Variants in TRUB1 observed in about 807,000 individuals in gnomAD.
TRUB1 encodes pseudouridylate synthase TRUB1.
Under a neutral mutation model 33.9 loss-of-function variants are expected in TRUB1, and 23 were observed. The observed-to-expected ratio is 0.68, with a 90% confidence interval of 0.49 to 0.96. The LOEUF is 0.96. Ranked by LOEUF, TRUB1 falls within the 40% of genes least tolerant of loss-of-function variation. The pLI is 0.00. For missense variants in TRUB1, 378 were observed against 422.2 expected (o/e 0.90, Z 0.92); for synonymous variants, 163 against 165.4 (o/e 0.99, Z 0.11).
In TRUB1 at chr10:114,961,332, C is replaced by T. The variant is rs992175998; in HGVS notation, c.523+1525C>T. Reference sequence around the variant, plus strand: ...TCCCATGATTAGGAAGTAAAATTAGCAAGACTTGATTTTTAGTTGATTGGA... The same window carrying T: ...TCCCATGATTAGGAAGTAAAATTAGTAAGACTTGATTTTTAGTTGATTGGA... On this transcript the variant is annotated intron_variant, in intron 4 of 7. Coordinates refer to ENST00000298746, the MANE Select transcript of TRUB1 (RefSeq NM_139169.5). 4.6e-5 allele frequency among the ~76,000 whole-genome samples: 7 copies of T among 152,102 alleles called. No homozygotes were observed. The East Asian group carries it at 9.7e-4, about 21-fold the overall frequency.
At chr10:114,957,787 A>G (rs1019343099) in intron 3 of TRUB1, among the ~76,000 whole-genome samples, 1 of 152,196 alleles carries the variant, frequency 6.6e-6, no homozygotes, top group Non-Finnish European at 1.5e-5. Context: ...AATACTGCAG[A>G]TACATTCAAG....
chr10:114,945,010 G>A (rs931051341), intron 2 of TRUB1, among the ~76,000 whole-genome samples: 3 of 152,146 alleles, frequency 2.0e-5, no homozygotes, highest in Non-Finnish European at 2.9e-5. Flanking sequence ...AGCATTTATT[G>A]AGCATTTACT....
At chr10:114,964,707 A>G (rs1025851927) in intron 4 of TRUB1, among the ~76,000 whole-genome samples, 1 of 152,112 alleles carries the variant, frequency 6.6e-6, no homozygotes, top group African/African-American at 2.4e-5. Flanking sequence ...ATGGATGTCC[A>G]GTTGCTTCAG....
chr10:114,960,557 G>C, intron 4 of TRUB1, among the ~76,000 whole-genome samples: 1 of 152,032 alleles, frequency 6.6e-6, no homozygotes, highest in Middle Eastern at 3.4e-3. Flanking sequence ...TCCTTATTAC[G>C]TACTGCATAT....
chr10:114,977,569 A>G lies in TRUB1; in HGVS notation c.*2190A>G, dbSNP rs2084367243. 1 of 151,984 alleles carries G rather than the reference A, an allele frequency of 6.6e-6. No homozygotes were observed. Among genetic ancestry groups the G allele is most frequent in the Non-Finnish European group, 1.5e-5 (1 of 67,908 alleles). 9.4% of individuals were successfully genotyped at this position (151,984 alleles called of 1,614,324 possible). The stretch of plus-strand genomic sequence containing the variant: ...AGTAGGGGTTTTATATGTTGTTGCT[A>G]ATTTAGTAAACATAGGAGAGAAATC... On this transcript the variant is annotated 3_prime_UTR_variant, in exon 8 of 8. Coordinates refer to ENST00000298746, the MANE Select transcript of TRUB1 (RefSeq NM_139169.5).
Position 114,977,594 on chromosome 10 carries a change from CAA to C in TRUB1, c.*2217_*2218del, listed in dbSNP as rs1042669761. 6.6e-6 allele frequency: 1 copy of C among 151,870 alleles called. No homozygotes were observed. The highest frequency in any genetic ancestry group is 2.4e-5 in the African/African-American group (1 of 41,390). The allele number at this position is 151,870 out of a possible 1,614,324, so 9.4% of individuals were successfully genotyped here. On this transcript the variant is annotated 3_prime_UTR_variant, in exon 8 of 8. Transcript: ENST00000298746. Reference sequence around the variant, plus strand: ...AATTTAGTAAACATAGGAGAGAAATCAAAGTTTTTCTGATTTGCTTTTATGTG... The same window carrying C: ...AATTTAGTAAACATAGGAGAGAAATCAGTTTTTCTGATTTGCTTTTATGTG...
At chr10:114,946,698 CA>C (rs990699391) in intron 2 of TRUB1, among the ~76,000 whole-genome samples, 6 of 145,510 alleles carry the variant, frequency 4.1e-5, no homozygotes, top group African/African-American at 1.6e-4. Context: ...TGGACCTATG[CA>C]AAAAAAATAT....
chr10:114,939,062 T>A (rs1247478190), intron 1 of TRUB1, among the ~76,000 whole-genome samples: 1 of 152,166 alleles, frequency 6.6e-6, no homozygotes, highest in Non-Finnish European at 1.5e-5. Flanking sequence ...ATTCGGAGAG[T>A]TCGGGGTATT....
chr10:114,947,180 CAA>C (rs201535527), intron 2 of TRUB1, among the ~76,000 whole-genome samples: 4 of 135,772 alleles, frequency 2.9e-5, no homozygotes, highest in Non-Finnish European at 3.2e-5. Context: ...CTGGAGGAGG[CAA>C]AAAAAAAAAG....
chr10:114,939,854 A>G (rs1486686428), intron 1 of TRUB1, among the ~76,000 whole-genome samples: 4 of 145,144 alleles, frequency 2.8e-5, no homozygotes, highest in African/African-American at 1.0e-4. Context: ...TCCTTAAGGT[A>G]ATGATTACCA....
At chr10:114,962,564 C>T (rs1046562184) in intron 4 of TRUB1, among the ~76,000 whole-genome samples, 2 of 152,196 alleles carry the variant, frequency 1.3e-5, no homozygotes, top group Non-Finnish European at 2.9e-5. Context: ...TTGTTCTTGA[C>T]AGGTCAATTA....
chr10:114,964,793 TC>T (rs1399367304), intron 4 of TRUB1, among the ~76,000 whole-genome samples: 2 of 151,612 alleles, frequency 1.3e-5, no homozygotes, highest in African/African-American at 2.4e-5. Context: ...TAAAAAAAAA[TC>T]TATTTTTTTA....
At chr10:114,959,502 G>A (rs938777706) in intron 3 of TRUB1, among the ~76,000 whole-genome samples, 2 of 152,078 alleles carry the variant, frequency 1.3e-5, no homozygotes, top group African/African-American at 4.8e-5. Context: ...ATAAAATCAG[G>A]TTTATCTTTC....
chr10:114,940,736 G>A (rs979096744), intron 1 of TRUB1, among the ~76,000 whole-genome samples: 1 of 152,196 alleles, frequency 6.6e-6, no homozygotes, highest in Non-Finnish European at 1.5e-5. Context: ...TATTTATGGG[G>A]CCTTCTTACT....
chr10:114,939,831 T>C lies in TRUB1; in HGVS notation c.286+1292T>C, dbSNP rs557850878. Reference sequence around the variant, plus strand: ...CTAAACTCTGGGTTTCTTTTCTTTTTTTTTTTTTTTTATCCTTAAGGTAAT... The same window carrying C: ...CTAAACTCTGGGTTTCTTTTCTTTTCTTTTTTTTTTTATCCTTAAGGTAAT... On this transcript the variant is annotated intron_variant, in intron 1 of 7. Coordinates refer to ENST00000298746, the MANE Select transcript of TRUB1 (RefSeq NM_139169.5). Among the ~76,000 whole-genome samples, 402 of 151,392 alleles carry C rather than the reference T, an allele frequency of 2.7e-3. 1 individual carries two copies. The highest frequency in any genetic ancestry group is 8.8e-3 in the African/African-American group (365 of 41,400).
intron 3 of TRUB1, among the ~76,000 whole-genome samples, chr10:114,956,973 G>C (rs140784458): frequency 6.6e-6 from 1 of 152,146 alleles, no homozygotes; most frequent in Non-Finnish European, 1.5e-5. Flanking sequence ...AATCCAGCAC[G>C]TAGCTACATA....
chr10:114,947,479 G>A (rs943191299), intron 2 of TRUB1, among the ~76,000 whole-genome samples: 5 of 152,096 alleles, frequency 3.3e-5, no homozygotes, highest in Non-Finnish European at 7.4e-5. Context: ...TAGAAACAGT[G>A]AGAAAATTTA....
chr10:114,971,320 A>G (rs2084335817), intron 5 of TRUB1, among the ~76,000 whole-genome samples: 1 of 152,228 alleles, frequency 6.6e-6, no homozygotes, highest in South Asian at 2.1e-4. Context: ...ATTTTCGTGC[A>G]CATTACCATT....
chr10:114,946,841 C>T (rs1471754937), intron 2 of TRUB1, among the ~76,000 whole-genome samples: 1 of 152,006 alleles, frequency 6.6e-6, no homozygotes. Flanking sequence ...TCACAAGTTT[C>T]TCAAAAATAC....
Sources: gnomAD v4.1 joint callset for allele counts (sites outside exome capture counted in the v4.1 genomes callset) on GRCh38, gnomAD v4.1.1 for gene constraint, MANE v1.5 for transcripts, NCBI Gene and HGNC (gene_info 2026-07-23, HGNC 2026-07-21) for gene names.